The following KANTR variants were observed in gnomAD, a reference collection of about 807,000 sequenced individuals.
The protein encoded by KANTR is KDM5C adjacent transcript.
At chrX:53,111,613 C>T (rs1423713972) in intron 2 of KANTR, among the ~76,000 whole-genome samples, 1 of 111,691 alleles carries the variant, frequency 9.0e-6, no homozygotes, top group Non-Finnish European at 1.9e-5. Context: ...TTTATACTTT[C>T]ATATGTTTTC....
intron 2 of KANTR, among the ~76,000 whole-genome samples, chrX:53,121,462 ACTTT>A (rs1279782844): frequency 8.9e-6 from 1 of 111,806 alleles, no homozygotes; most frequent in Non-Finnish European, 1.9e-5. Flanking sequence ...TAAACATCAG[ACTTT>A]ACATGGCTTT....
chrX:53,105,144 A>C (rs1392311258), intron 2 of KANTR, among the ~76,000 whole-genome samples: 1 of 111,204 alleles, frequency 9.0e-6, no homozygotes, highest in Non-Finnish European at 1.9e-5. Flanking sequence ...CTCGCCTCCC[A>C]AAGTGCTGAG....
chrX:53,141,796 A>G (rs1602129837), intron 2 of KANTR: 1 of 182,824 alleles, frequency 5.5e-6, no homozygotes, highest in East Asian at 2.1e-4. Flanking sequence ...AAGAATTTAG[A>G]ATTATGTAGA....
At chrX:53,133,843 C>G (rs1345265462) in intron 2 of KANTR, among the ~76,000 whole-genome samples, 5 of 111,334 alleles carry the variant, frequency 4.5e-5, no homozygotes, top group Non-Finnish European at 7.5e-5. Flanking sequence ...TTCCTGGCCT[C>G]ATTTATAACC....
At chrX:53,115,910 G>A (rs1042683560) in intron 2 of KANTR, among the ~76,000 whole-genome samples, 3 of 112,053 alleles carry the variant, frequency 2.7e-5, no homozygotes, top group Non-Finnish European at 3.8e-5. Flanking sequence ...TGATGTTTCT[G>A]TTGGGGAATG....
At chrX:53,134,179 T>C (rs1933392795) in intron 2 of KANTR, among the ~76,000 whole-genome samples, 1 of 110,685 alleles carries the variant, frequency 9.0e-6, no homozygotes, top group African/African-American at 3.3e-5. Flanking sequence ...CTGGCCAACA[T>C]GGAGAAATCC....
intron 2 of KANTR, among the ~76,000 whole-genome samples, chrX:53,136,731 T>TATATATATATATATATATC (rs1491428007): frequency 2.0e-5 from 1 of 50,041 alleles, no homozygotes; most frequent in Non-Finnish European, 4.1e-5. Flanking sequence ...TATATATATA[T>TATATATATATATATATATC]TTTGTTTGTT....
At chrX:53,098,489 G>T in intron 1 of KANTR, among the ~76,000 whole-genome samples, 1 of 111,368 alleles carries the variant, frequency 9.0e-6, no homozygotes, top group East Asian at 2.8e-4. Flanking sequence ...CTTTCACAAA[G>T]GGTTTCTCTG....
downstream of KANTR, among the ~76,000 whole-genome samples, chrX:53,147,136 C>A (rs782086907): frequency 1.2e-4 from 13 of 111,657 alleles, no homozygotes; most frequent in South Asian, 4.5e-3. Context: ...TTAAATGTAA[C>A]TGGGCTAAAT....
chrX:53,111,188 A>T (rs946304135), intron 2 of KANTR, among the ~76,000 whole-genome samples: 2 of 105,741 alleles, frequency 1.9e-5, no homozygotes, highest in Non-Finnish European at 3.9e-5. Flanking sequence ...TAAGTTTAAA[A>T]TTTTTTTTTG....
At chrX:53,105,521 ACT>A (rs1932938377) in intron 2 of KANTR, among the ~76,000 whole-genome samples, 1 of 106,814 alleles carries the variant, frequency 9.4e-6, no homozygotes, top group Non-Finnish European at 1.9e-5. Flanking sequence ...ACGGAGTCTC[ACT>A]CTGTCATCCA....
At chrX:53,124,088 G>A (rs1417914860) in exon 3 of KANTR, 2 of 246,745 alleles carry the variant, frequency 8.1e-6, no homozygotes, top group Non-Finnish European at 1.4e-5. Flanking sequence ...TTGTTTTGGC[G>A]GGAAGAGTTT....
At chrX:53,130,167 C>T (rs183478900), downstream of KANTR, among the ~76,000 whole-genome samples, 3 of 112,139 alleles carry the variant, frequency 2.7e-5, no homozygotes, top group Middle Eastern at 4.7e-3. Context: ...GCGCCTGACC[C>T]TACATAATTT....
chrX:53,138,439 G>GC (rs1933455202), intron 2 of KANTR, among the ~76,000 whole-genome samples: 1 of 106,792 alleles, frequency 9.4e-6, no homozygotes, highest in Non-Finnish European at 1.9e-5. Flanking sequence ...GAGGCGGGTG[G>GC]ATCACCTGAG....
At chrX:53,138,805 C>G (rs1318996698) in intron 2 of KANTR, among the ~76,000 whole-genome samples, 4 of 110,919 alleles carry the variant, frequency 3.6e-5, no homozygotes, top group African/African-American at 1.3e-4. Context: ...ATATAAAAAC[C>G]TATTGTATAA....
At chrX:53,145,197 G>C (rs1022096612), downstream of KANTR, among the ~76,000 whole-genome samples, 1 of 111,541 alleles carries the variant, frequency 9.0e-6, no homozygotes, top group African/African-American at 3.3e-5. Flanking sequence ...AGCCAAAGCA[G>C]GGCGAGGCAT....
At chrX:53,102,282 T>C (rs782497170) in intron 2 of KANTR, among the ~76,000 whole-genome samples, 1 of 110,346 alleles carries the variant, frequency 9.1e-6, no homozygotes, top group African/African-American at 3.4e-5. Context: ...CATCAGTTTT[T>C]CACTAGTGCC....
intron 2 of KANTR, among the ~76,000 whole-genome samples, chrX:53,116,273 G>C (rs782208523): frequency 2.7e-5 from 3 of 112,042 alleles, no homozygotes; most frequent in Non-Finnish European, 5.6e-5. Flanking sequence ...GAGGATCTGC[G>C]TAAGAAAGCA....
At chrX:53,099,530 ACTT>A (rs1255255710) in exon 2 of KANTR, 14 of 111,347 alleles carry the variant, frequency 1.3e-4, no homozygotes, top group African/African-American at 4.3e-4. Context: ...TTTGAAGTTA[ACTT>A]CTTCTACACC....
Sources: gnomAD v4.1 joint callset for allele counts (sites outside exome capture counted in the v4.1 genomes callset) on GRCh38, gnomAD v4.1.1 for gene constraint, MANE v1.5 for transcripts, NCBI Gene and HGNC (gene_info 2026-07-23, HGNC 2026-07-21) for gene names.